The following VPS13B variants were observed in gnomAD, a reference collection of about 807,000 sequenced individuals.
The protein encoded by VPS13B is intermembrane lipid transfer protein VPS13B.
In VPS13B, 285 loss-of-function variants were observed where a neutral mutation model predicts 426.4. That is an observed-to-expected ratio of 0.67 (90% CI 0.61 to 0.74). The LOEUF (loss-of-function observed/expected upper bound fraction) is 0.74. Among genes scored for constraint, VPS13B ranks in the 30% least tolerant of loss-of-function variants. The probability of loss-of-function intolerance (pLI) is 0.00; values close to 1 mark genes in which losing one functional copy is unlikely to be tolerated. For missense variants in VPS13B, 4,537 were observed against 4,782.6 expected, an observed-to-expected ratio of 0.95 and a Z score of 1.51; for synonymous variants, 1,676 against 1,676.4, an observed-to-expected ratio of 1.00 and a Z score of 0.01.
intron 7 of VPS13B, among the ~76,000 whole-genome samples, chr8:99,116,424 G>C (rs769120579): frequency 6.6e-6 from 1 of 151,950 alleles, no homozygotes; most frequent in East Asian, 1.9e-4. Flanking sequence ...AGATATAAGT[G>C]TTCAGAATGT....
chr8:99,103,189 C>G, intron 5 of VPS13B, 69 bp downstream of exon 5: 1 of 1,563,764 alleles, frequency 6.4e-7, no homozygotes, highest in Admixed American at 1.7e-5. Flanking sequence ...CTTAACCCTT[C>G]TTTGGGCCAA....
chr8:99,702,355 C>A (rs546255063), intron 36 of VPS13B, among the ~76,000 whole-genome samples: 2 of 152,124 alleles, frequency 1.3e-5, no homozygotes, highest in South Asian at 4.1e-4. Flanking sequence ...CTGTTGTGAC[C>A]ATCTGCAGCA....
chr8:99,101,713 A>G (rs1846760691), intron 4 of VPS13B, among the ~76,000 whole-genome samples: 1 of 152,216 alleles, frequency 6.6e-6, no homozygotes, highest in Non-Finnish European at 1.5e-5. Context: ...TATTTGCATC[A>G]TTGGGAATGA....
At chr8:99,070,002 C>G (rs2132330490) in intron 3 of VPS13B, among the ~76,000 whole-genome samples, 2 of 152,294 alleles carry the variant, frequency 1.3e-5, no homozygotes, top group East Asian at 1.9e-4. Context: ...CTGCTGGGCT[C>G]AAGTGATTCC....
intron 30 of VPS13B, among the ~76,000 whole-genome samples, chr8:99,534,719 T>C (rs947686191): frequency 2.0e-5 from 3 of 152,146 alleles, no homozygotes; most frequent in Non-Finnish European, 4.4e-5. Context: ...CACCAACATA[T>C]AAGACAATTG....
At chr8:99,384,867 A>G (rs985088579) in intron 20 of VPS13B, among the ~76,000 whole-genome samples, 2 of 152,122 alleles carry the variant, frequency 1.3e-5, no homozygotes, top group African/African-American at 2.4e-5. Flanking sequence ...TTTAGTAGAG[A>G]CAGGGTTTCA....
At chr8:99,148,043 C>T (rs1420018996) in intron 14 of VPS13B, 33 bp downstream of exon 14, 6 of 1,595,170 alleles carry the variant, frequency 3.8e-6, no homozygotes, top group East Asian at 4.5e-5. Flanking sequence ...TTTTTTTTCC[C>T]TCATATATGG....
intron 39 of VPS13B, among the ~76,000 whole-genome samples, chr8:99,750,125 A>G: frequency 6.6e-6 from 1 of 152,120 alleles, no homozygotes; most frequent in African/African-American, 2.4e-5. Context: ...TTTATATTTT[A>G]TATGCATTTA....
chr8:99,785,662 A>G (rs1812220400), intron 43 of VPS13B, among the ~76,000 whole-genome samples: 1 of 152,184 alleles, frequency 6.6e-6, no homozygotes, highest in African/African-American at 2.4e-5. Context: ...TGTAACATAA[A>G]GGATGTTTTA....
chr8:99,430,453 G>C (rs1049807027), intron 21 of VPS13B, among the ~76,000 whole-genome samples: 1 of 151,952 alleles, frequency 6.6e-6, no homozygotes, highest in Non-Finnish European at 1.5e-5. Context: ...ATTAACATAA[G>C]CTGTATTATA....
At chr8:99,622,017 A>C (rs1828378996) in intron 33 of VPS13B, among the ~76,000 whole-genome samples, 1 of 150,944 alleles carries the variant, frequency 6.6e-6, no homozygotes, top group African/African-American at 2.4e-5. Context: ...TTTTTAGTAG[A>C]GACGGGGTTT....
At chr8:99,145,092 C>T (rs1371567987) in intron 13 of VPS13B, among the ~76,000 whole-genome samples, 2 of 152,098 alleles carry the variant, frequency 1.3e-5, no homozygotes, top group Admixed American at 6.6e-5. Flanking sequence ...GCTAGAATAG[C>T]TGAAGCACAA....
Position 99,274,253 on chromosome 8 carries a change from A to G in VPS13B, c.2571A>G (p.Glu857=). 3 of 1,614,176 alleles carry G rather than the reference A, an allele frequency of 1.9e-6. No individual in the cohort carries two copies. The highest frequency in any genetic ancestry group is 1.7e-6 in the Non-Finnish European group (2 of 1,180,028). ...PTLEGSIQNV[E]LKYCSTSLVK... ...TTGAGGGCTCAATCCAGAATGTTGA[A>G]TTGAAGTACTGCAGCACATCATTGG... The change falls in exon 18 of 62, where the codon GAA becomes GAG. Residue 857 remains glutamate (E), a synonymous_variant. Transcript: ENST00000357162.
intron 21 of VPS13B, among the ~76,000 whole-genome samples, chr8:99,415,489 C>A (rs998972068): frequency 6.6e-6 from 1 of 152,048 alleles, no homozygotes; most frequent in Non-Finnish European, 1.5e-5. Context: ...GGATAAGAGG[C>A]ATTCTGGATT....
At chr8:99,512,234 G>A (rs987506244) in intron 29 of VPS13B, among the ~76,000 whole-genome samples, 1 of 152,130 alleles carries the variant, frequency 6.6e-6, no homozygotes, top group Non-Finnish European at 1.5e-5. Flanking sequence ...CCTATATTCT[G>A]ACAGTGGTAT....
intron 4 of VPS13B, among the ~76,000 whole-genome samples, chr8:99,101,772 A>G (rs1192979363): frequency 6.6e-6 from 1 of 152,216 alleles, no homozygotes; most frequent in African/African-American, 2.4e-5. Context: ...GATTTAAGTA[A>G]GTCTTCTCTC....
At chr8:99,268,212 G>A (rs1818406760) in intron 17 of VPS13B, among the ~76,000 whole-genome samples, 2 of 152,220 alleles carry the variant, frequency 1.3e-5, no homozygotes, top group Admixed American at 6.5e-5. Context: ...GAGAACCTCT[G>A]TTAGGGCAGT....
intron 17 of VPS13B, among the ~76,000 whole-genome samples, chr8:99,203,340 C>CT (rs1814472751): frequency 6.6e-6 from 1 of 152,092 alleles, no homozygotes; most frequent in African/African-American, 2.4e-5. Context: ...TCTCAATAAA[C>CT]TAGGTATTGA....
intron 17 of VPS13B, among the ~76,000 whole-genome samples, chr8:99,248,859 C>A (rs76071379): frequency 6.6e-6 from 1 of 152,050 alleles, no homozygotes; most frequent in African/African-American, 2.4e-5. Context: ...TTGAGCTTCT[C>A]CCCCACTCCC....
Sources: gnomAD v4.1 joint callset for allele counts (sites outside exome capture counted in the v4.1 genomes callset) on GRCh38, gnomAD v4.1.1 for gene constraint, MANE v1.5 for transcripts, NCBI Gene and HGNC (gene_info 2026-07-23, HGNC 2026-07-21) for gene names.